The following PLCB1 variants were observed in gnomAD, a reference collection of about 807,000 sequenced individuals.
The protein encoded by PLCB1 is 1-phosphatidylinositol 4,5-bisphosphate phosphodiesterase beta-1.
Under a neutral mutation model 161.8 loss-of-function variants are expected in PLCB1, and 46 were observed. The observed-to-expected ratio is 0.28, with a 90% CI of 0.22 to 0.36. The LOEUF (loss-of-function observed/expected upper bound fraction) is 0.36, where lower values mean the gene tolerates loss of function less well. PLCB1 is among the 10% of genes least tolerant of loss of function. The pLI is 1.00. For synonymous variants in PLCB1, 517 were observed against 503.7 expected (o/e 1.03, Z -0.35); for missense variants, 1,016 against 1,472.5 (o/e 0.69, Z 5.07).
At chr20:8,821,080 A>G (rs186668737) in intron 31 of PLCB1, among the ~76,000 whole-genome samples, 15 of 152,282 alleles carry the variant, frequency 9.9e-5, no homozygotes, top group Admixed American at 5.2e-4. Context: ...TTATGCTTCA[A>G]TGTTCTTTAT....
At chr20:8,399,627 C>T (rs1382376015) in intron 3 of PLCB1, among the ~76,000 whole-genome samples, 1 of 152,166 alleles carries the variant, frequency 6.6e-6, no homozygotes, top group Non-Finnish European at 1.5e-5. Flanking sequence ...ATACTATTCT[C>T]TGCTTTCCAA....
intron 3 of PLCB1, among the ~76,000 whole-genome samples, chr20:8,557,000 AAAT>A (rs566813911): frequency 0.013 from 1,872 of 139,718 alleles, 42 homozygotes; most frequent in African/African-American, 0.05. Context: ...ATAAATAAAT[AAAT>A]AAATAAATAA....
chr20:8,620,335 A>G (rs981940887), intron 3 of PLCB1, among the ~76,000 whole-genome samples: 1 of 152,296 alleles, frequency 6.6e-6, no homozygotes, highest in South Asian at 2.1e-4. Context: ...AGGGGACACT[A>G]CTATTATCCT....
chr20:8,671,873 C>T (rs775622413), intron 9 of PLCB1, among the ~76,000 whole-genome samples: 17 of 152,302 alleles, frequency 1.1e-4, no homozygotes, highest in Non-Finnish European at 2.2e-4. Flanking sequence ...CAAATAACCC[C>T]GTGCCCTCAG....
intron 3 of PLCB1, among the ~76,000 whole-genome samples, chr20:8,588,984 C>T (rs1282678579): frequency 6.6e-6 from 1 of 152,154 alleles, no homozygotes; most frequent in African/African-American, 2.4e-5. Flanking sequence ...ACAAGACAAC[C>T]CACATTGGGC....
intron 3 of PLCB1, among the ~76,000 whole-genome samples, chr20:8,528,941 C>A (rs867125871): frequency 3.3e-5 from 5 of 152,118 alleles, no homozygotes; most frequent in South Asian, 2.1e-4. Flanking sequence ...CTGCTAACTA[C>A]ATAATGCTTC....
At chr20:8,251,334 C>T (rs895872697) in intron 2 of PLCB1, among the ~76,000 whole-genome samples, 4 of 151,926 alleles carry the variant, frequency 2.6e-5, no homozygotes, top group African/African-American at 7.2e-5. Flanking sequence ...AGGCCAAGAA[C>T]GGTGCAGTCC....
intron 31 of PLCB1, among the ~76,000 whole-genome samples, chr20:8,869,866 T>C (rs1208008233): frequency 6.6e-6 from 1 of 152,152 alleles, no homozygotes; most frequent in East Asian, 1.9e-4. Context: ...GAATCTAGGA[T>C]AATTTGGGGT....
intron 2 of PLCB1, among the ~76,000 whole-genome samples, chr20:8,275,250 A>AGTGT (rs3031931): frequency 0.36 from 52,309 of 145,054 alleles, 9,820 homozygotes; most frequent in Non-Finnish European, 0.42. Context: ...CATCAGCGTG[A>AGTGT]GTGTGTGTGT....
chr20:8,818,958 AAAG>A (rs1422674715), intron 31 of PLCB1, among the ~76,000 whole-genome samples: 2 of 152,072 alleles, frequency 1.3e-5, no homozygotes, highest in South Asian at 2.1e-4. Flanking sequence ...AAAAAAAAAA[AAAG>A]TTCTCCCAAA....
At chr20:8,197,980 T>C (rs2052045531) in intron 2 of PLCB1, among the ~76,000 whole-genome samples, 1 of 152,070 alleles carries the variant, frequency 6.6e-6, no homozygotes, top group Non-Finnish European at 1.5e-5. Flanking sequence ...AGATGTGTAG[T>C]ATTATTTCTG....
intron 9 of PLCB1, among the ~76,000 whole-genome samples, chr20:8,670,883 C>G (rs1201245330): frequency 6.6e-6 from 1 of 152,154 alleles, no homozygotes; most frequent in Non-Finnish European, 1.5e-5. Flanking sequence ...TTCGCAAGGG[C>G]CAAAGCACCA....
chr20:8,447,842 G>A (rs1009803640), intron 3 of PLCB1, among the ~76,000 whole-genome samples: 1 of 152,164 alleles, frequency 6.6e-6, no homozygotes, highest in African/African-American at 2.4e-5. Flanking sequence ...AGGGGAAAAG[G>A]TCACAACATG....
At chr20:8,345,366 C>A (rs1369144350) in intron 2 of PLCB1, among the ~76,000 whole-genome samples, 1 of 152,116 alleles carries the variant, frequency 6.6e-6, no homozygotes, top group African/African-American at 2.4e-5. Context: ...CAGCGAATGA[C>A]CCTAAGCTTA....
intron 3 of PLCB1, among the ~76,000 whole-genome samples, chr20:8,533,743 C>A (rs943813682): frequency 6.6e-6 from 1 of 151,320 alleles, no homozygotes; most frequent in African/African-American, 2.4e-5. Context: ...TGTTTGAGTT[C>A]ATTGTAGATT....
At chr20:8,199,775 G>C (rs375778868) in intron 2 of PLCB1, among the ~76,000 whole-genome samples, 1 of 151,882 alleles carries the variant, frequency 6.6e-6, no homozygotes, top group Non-Finnish European at 1.5e-5. Flanking sequence ...ATCTTTGTAC[G>C]TACTAATATT....
chr20:8,765,647 A>G (rs1453589040), intron 26 of PLCB1, among the ~76,000 whole-genome samples: 5 of 152,122 alleles, frequency 3.3e-5, no homozygotes, highest in African/African-American at 4.8e-5. Context: ...TCTCATGGGT[A>G]TGAGACTTTG....
At chr20:8,393,213 G>A (rs1987662314) in intron 3 of PLCB1, among the ~76,000 whole-genome samples, 1 of 152,104 alleles carries the variant, frequency 6.6e-6, no homozygotes, top group Non-Finnish European at 1.5e-5. Context: ...TTTCAGGTAA[G>A]AACAGAGGGC....
chr20:8,628,395 T>A lies in PLCB1; in HGVS notation c.348T>A (p.His116Gln), dbSNP rs965963245. Residue 116 changes from histidine (H) to glutamine (Q), a missense_variant, in exon 4 of 32, where the codon CAT becomes CAA. By Grantham distance (24) the His-to-Gln change is conservative. Around this residue, in one of 10 missense-constraint regions of PLCB1, gnomAD observed 181 missense variants for 236.7 expected, o/e 0.76. Transcript: ENST00000338037. The stretch of plus-strand genomic sequence containing the variant: ...GGCCTGACCTCGTGAACATCTCCCA[T>A]TTGAATCTCGTGGCTTTCCAAGAAG... ...VYGPDLVNIS[H>Q]LNLVAFQEEV... The A allele has an allele frequency of 1.9e-6, 3 of 1,614,088 alleles. No homozygotes were observed.
Sources: allele counts gnomAD v4.1 joint callset (sites outside exome capture counted in the v4.1 genomes callset), GRCh38; gene constraint gnomAD v4.1.1; regional missense constraint gnomAD v4.1.1; transcripts MANE v1.5; gene names NCBI Gene and HGNC (gene_info 2026-07-23, HGNC 2026-07-21).